Variants in COL9A2 observed in about 807,000 individuals in gnomAD.
The protein encoded by COL9A2 is collagen type IX alpha 2 chain.
In COL9A2, 66 loss-of-function variants were observed where a neutral mutation model predicts 111.6. The ratio of observed to expected loss-of-function variants is 0.59; its 90% CI spans 0.48 to 0.73. The LOEUF is 0.73. Ranked by LOEUF, COL9A2 falls within the 30% of genes least tolerant of loss-of-function variation. The probability of loss-of-function intolerance (pLI) is 0.00; values close to 1 mark genes in which losing one functional copy is unlikely to be tolerated. For synonymous variants in COL9A2, 353 were observed against 364.1 expected (o/e 0.97, Z 0.35); for missense variants, 881 against 954.1 (o/e 0.92, Z 1.01).
At position 40,302,765 on chromosome 1, in the gene COL9A2, C is replaced by T. The variant is rs1391784684; in HGVS notation, c.1648G>A (p.Gly550Ser). The change falls in exon 30 of 32, where the codon GGT (glycine) becomes AGT (serine). Residue 550 changes from glycine (G) to serine (S), a missense_variant. Physicochemically the swap from Gly to Ser is moderately conservative, Grantham distance 56. Coordinates refer to ENST00000372748, the MANE Select transcript of COL9A2 (RefSeq NM_001852.4). The surrounding 1 kb of genome is among the most constrained non-coding windows in gnomAD (Gnocchi z 4.5). ...GGAGGACCCATCATGCCCACCGCACCCAGGGCTTCCCGCTTGGCACTCACG... is the reference window on the plus strand; with the variant it reads ...GGAGGACCCATCATGCCCACCGCACTCAGGGCTTCCCGCTTGGCACTCACG... ...VAVSAKREAL[G>S]AVGMMGPPGP... 1.3e-6 allele frequency: 2 copies of T among 1,554,724 alleles called. No homozygotes were observed. The highest frequency in any genetic ancestry group is 1.7e-6 in the Non-Finnish European group (2 of 1,149,950).
chr1:40,310,403 T>C lies in COL9A2; in HGVS notation c.685-86A>G. ...CTGATGCCCACCTTCAATCTTACAGTGCCCTTTTGAGGTAGGCAGCAGAGT... is the reference window on the plus strand; with the variant it reads ...CTGATGCCCACCTTCAATCTTACAGCGCCCTTTTGAGGTAGGCAGCAGAGT... On this transcript the variant is annotated intron_variant, in intron 13 of 31. Transcript: ENST00000372748. This position sits in a 1 kb window ranked among gnomAD's most constrained non-coding sequence, Gnocchi z 4.9. 7.2e-7 allele frequency: 1 copy of C among 1,385,150 alleles called. No homozygotes were observed. The highest frequency in any genetic ancestry group is 1.0e-6 in the Non-Finnish European group (1 of 976,460). 85.8% of individuals were successfully genotyped at this position (1,385,150 alleles called of 1,614,324 possible). A position where few individuals can be genotyped will look rare whatever the true frequency, so the allele number is the denominator to read the frequency against.
chr1:40,309,834 C>T (rs545122679), intron 16 of COL9A2, 104 bp downstream of exon 16: 26 of 1,104,750 alleles, frequency 2.4e-5, no homozygotes, highest in African/African-American at 1.1e-4. Flanking sequence ...TTCACACTCA[C>T]GCACACACTC....
At position 40,303,091 on chromosome 1, in the gene COL9A2, G is replaced by A. The variant is rs368399762; in HGVS notation, c.1603+40C>T. The stretch of plus-strand genomic sequence containing the variant: ...CGGGAGGGGGTGAGGGGGCGGCGAT[G>A]CCCTCGAACTGACTGTGAGGAGGGG... On this transcript the variant is annotated intron_variant, in intron 29 of 31. Coordinates refer to ENST00000372748, the MANE Select transcript of COL9A2 (RefSeq NM_001852.4). This position sits in a 1 kb window ranked among gnomAD's most constrained non-coding sequence, Gnocchi z 4.6. 5.6e-6 allele frequency: 9 copies of A among 1,598,252 alleles called. No individual in the cohort carries two copies. The highest frequency in any genetic ancestry group is 7.7e-6 in the Non-Finnish European group (9 of 1,170,596).
At chr1:40,305,545 C>T (rs1644014928) in intron 21 of COL9A2, among the ~76,000 whole-genome samples, 170 bp downstream of exon 21, 1 of 152,196 alleles carries the variant, frequency 6.6e-6, no homozygotes, top group Non-Finnish European at 1.5e-5. Context: ...CCAGTCCCCA[C>T]CCTCCCTGCA....
At position 40,303,617 on chromosome 1, in the gene COL9A2, C is replaced by T; in HGVS notation, c.1461G>A (p.Gly487=). The T allele has an allele frequency of 1.3e-6, 2 of 1,599,560 alleles. No homozygotes were observed. Among genetic ancestry groups the T allele is most frequent in the Non-Finnish European group, 1.7e-6 (2 of 1,173,966 alleles). ...PGPSGDAGAP[G]VQGYPGPPGP... ...CGGGGGGACCAGGGTAGCCCTGAAC[C>T]CCTGGGGCGCCCGCATCCCCGCTGG... The change falls in exon 28 of 32, where the codon GGG becomes GGA. Residue 487 remains glycine (G), a synonymous_variant. Transcript: ENST00000372748. The surrounding 1 kb of genome is among the most constrained non-coding windows in gnomAD (Gnocchi z 4.6).
At chr1:40,304,259 C>A in intron 24 of COL9A2, 61 bp downstream of exon 24, 1 of 1,541,490 alleles carries the variant, frequency 6.5e-7, no homozygotes, top group Non-Finnish European at 8.8e-7. Context: ...TGAGTCCTGC[C>A]GACCCCACTC....
Position 40,311,403 on chromosome 1 carries a change from C to T in COL9A2, c.519+97G>A. ...TGGAACCCCTGCACTGCAGCCCCTC[C>T]CCATCTCTCCAGACACCCCCATCTC... On this transcript the variant is annotated intron_variant, in intron 10 of 31. Coordinates refer to ENST00000372748, the MANE Select transcript of COL9A2 (RefSeq NM_001852.4). This position sits in a 1 kb window ranked among gnomAD's most constrained non-coding sequence, Gnocchi z 5.1. 3 of 1,579,818 alleles carry T rather than the reference C, an allele frequency of 1.9e-6. No individual in the cohort carries two copies. Among genetic ancestry groups the T allele is most frequent in the Non-Finnish European group, 2.6e-6 (3 of 1,157,884 alleles).
intron 16 of COL9A2, among the ~76,000 whole-genome samples, chr1:40,308,831 G>A (rs917055643): frequency 6.6e-6 from 1 of 152,180 alleles, no homozygotes; most frequent in African/African-American, 2.4e-5. Context: ...GGAGGGGTCT[G>A]GGGGATAGAG....
Position 40,307,754 on chromosome 1 carries a change from G to T in COL9A2, c.903C>A (p.Gly301=), listed in dbSNP as rs1557798361. The T allele has an allele frequency of 1.2e-6, 2 of 1,614,028 alleles. No individual in the cohort carries two copies. Among genetic ancestry groups the T allele is most frequent in the Non-Finnish European group, 1.7e-6 (2 of 1,179,998 alleles). ...QGITGPKGAT[G]PPGINGKDGT... Reference sequence around the variant, plus strand: ...CATCCTTGCCGTTGATGCCTGGGGGGCCCTACCCAGGAGGAAAGTTCAAGG... The same window carrying T: ...CATCCTTGCCGTTGATGCCTGGGGGTCCCTACCCAGGAGGAAAGTTCAAGG... Residue 301 remains glycine, a splice_region_variant and synonymous_variant, in exon 18 of 32, where the codon GGC becomes GGA. Transcript: ENST00000372748. This position sits in a 1 kb window ranked among gnomAD's most constrained non-coding sequence, Gnocchi z 4.8.
Position 40,314,804 on chromosome 1 carries a change from AG to A in COL9A2, c.151-418del, listed in dbSNP as rs1644189481. On this transcript the variant is annotated intron_variant, in intron 2 of 31. Transcript: ENST00000372748. The surrounding 1 kb of genome is among the most constrained non-coding windows in gnomAD (Gnocchi z 4.1). ...GGGCAGCAGCTCTATTCCAGACTGC[AG>A]GGCAGGAGAACGGGAAGCTGAGCCA... Among the ~76,000 whole-genome samples, 1 of 152,146 alleles carries A rather than the reference AG, an allele frequency of 6.6e-6. No individual in the cohort carries two copies. The highest frequency in any genetic ancestry group is 2.1e-4 in the South Asian group (1 of 4,828).
At position 40,302,292 on chromosome 1, in the gene COL9A2, G is replaced by T. The variant is rs1270623662; in HGVS notation, c.1792+329C>A. ...GTCTGAGAGCCACGATGAGAAAGGG[G>T]AGTCTGGATTCACACCCGTGTGTGG... On this transcript the variant is annotated intron_variant, in intron 30 of 31. Transcript: ENST00000372748. This position sits in a 1 kb window ranked among gnomAD's most constrained non-coding sequence, Gnocchi z 4.5. Among the ~76,000 whole-genome samples the T allele has an allele frequency of 6.6e-6, 1 of 152,138 alleles. No individual in the cohort carries two copies. Among genetic ancestry groups the T allele is most frequent in the Non-Finnish European group, 1.5e-5 (1 of 68,022 alleles).
At chr1:40,304,682 C>T (rs1187768028) in intron 22 of COL9A2, 112 bp downstream of exon 22, 1 of 1,396,704 alleles carries the variant, frequency 7.2e-7, no homozygotes, top group African/African-American at 1.4e-5. Context: ...CAAAGCAAAC[C>T]TAGGCCCTGC....
In COL9A2 at chr1:40,302,489, T is replaced by G. The variant is rs1194390486; in HGVS notation, c.1792+132A>C. ...TTGCTACTAGGAAAGAGCCCAGGAGTGTCTCCTGGACCATGTGGCTGAGGA... is the reference window on the plus strand; with the variant it reads ...TTGCTACTAGGAAAGAGCCCAGGAGGGTCTCCTGGACCATGTGGCTGAGGA... On this transcript the variant is annotated intron_variant, in intron 30 of 31. Coordinates refer to ENST00000372748, the MANE Select transcript of COL9A2 (RefSeq NM_001852.4). This position sits in a 1 kb window ranked among gnomAD's most constrained non-coding sequence, Gnocchi z 4.5. The G allele has an allele frequency of 3.2e-6, 3 of 932,114 alleles. No individual in the cohort carries two copies. Among genetic ancestry groups the G allele is most frequent in the Non-Finnish European group, 4.9e-6 (3 of 607,102 alleles). 57.7% of individuals were successfully genotyped at this position (932,114 alleles called of 1,614,324 possible).
At position 40,307,624 on chromosome 1, in the gene COL9A2, ACCC is replaced by A. The variant is rs1644050743; in HGVS notation, c.954+76_954+78del. ...GAAAGGGCATGTCCATGACCTGAGG[ACCC>A]CAGGCTCTTGGTGTCTAGAATCCAG... is the stretch of plus-strand genomic sequence containing the variant. On this transcript the variant is annotated intron_variant, in intron 18 of 31. Coordinates refer to ENST00000372748, the MANE Select transcript of COL9A2 (RefSeq NM_001852.4). This position sits in a 1 kb window ranked among gnomAD's most constrained non-coding sequence, Gnocchi z 4.8. 3.1e-6 allele frequency: 5 copies of A among 1,589,898 alleles called. No homozygotes were observed. In the Admixed American group the frequency reaches 8.5e-5, roughly 27 times the overall value.
Position 40,305,751 on chromosome 1 carries a change from C to T in COL9A2, c.1071G>A (p.Gln357=), listed in dbSNP as rs1389176401. ...GGGGACCAGAGAATCCAGGAAGGCC[C>T]TGCGGGCCCGGCTCACCCTGCAGGA... is the stretch of plus-strand genomic sequence containing the variant. ...GPGDQGEPGP[Q]GLPGFSGPPG... is the part of the protein sequence containing the mutation. The change falls in exon 21 of 32, where the codon CAG becomes CAA. Residue 357 remains glutamine, a synonymous_variant. Transcript: ENST00000372748. 1 of 1,614,130 alleles carries T rather than the reference C, an allele frequency of 6.2e-7. No individual in the cohort carries two copies. Among genetic ancestry groups the T allele is most frequent in the Middle Eastern group, 1.6e-4 (1 of 6,062 alleles).
rs984386780 is a variant in COL9A2, at chr1:40,315,372, T to G, written c.150+218A>C. The G allele has an allele frequency of 1.9e-5, 27 of 1,385,426 alleles. 1 individual carries two copies. In the African/African-American group the frequency reaches 3.7e-4, roughly 19 times the overall value. 85.8% of individuals were successfully genotyped at this position (1,385,426 alleles called of 1,614,324 possible). On this transcript the variant is annotated intron_variant, in intron 2 of 31. Coordinates refer to ENST00000372748, the MANE Select transcript of COL9A2 (RefSeq NM_001852.4). ...GCCGGCGGACTGAACAGCAGCTCCTTGTCTGTCGGCGGCTATAACGGGCTC... is the reference window on the plus strand; with the variant it reads ...GCCGGCGGACTGAACAGCAGCTCCTGGTCTGTCGGCGGCTATAACGGGCTC...
In COL9A2 at chr1:40,310,401, A is replaced by G. The variant is rs1321272132; in HGVS notation, c.685-84T>C. ...GTCTGATGCCCACCTTCAATCTTAC[A>G]GTGCCCTTTTGAGGTAGGCAGCAGA... On this transcript the variant is annotated intron_variant, in intron 13 of 31. Coordinates refer to ENST00000372748, the MANE Select transcript of COL9A2 (RefSeq NM_001852.4). The surrounding 1 kb of genome is among the most constrained non-coding windows in gnomAD (Gnocchi z 4.9). 13 of 1,404,534 alleles carry G rather than the reference A, an allele frequency of 9.3e-6. No homozygotes were observed. Among genetic ancestry groups the G allele is most frequent in the Middle Eastern group, 3.5e-4 (2 of 5,664 alleles). 87.0% of individuals were successfully genotyped at this position (1,404,534 alleles called of 1,614,324 possible). A position where few individuals can be genotyped will look rare whatever the true frequency, so the allele number is the denominator to read the frequency against.
chr1:40,315,203 C>T, intron 2 of COL9A2: 2 of 1,042,922 alleles, frequency 1.9e-6, no homozygotes, highest in Non-Finnish European at 2.3e-6. Context: ...CTGGCCCAAG[C>T]TGGTCGGTGG....
chr1:40,301,894 A>T lies in COL9A2; in HGVS notation c.1793-5T>A. Reference sequence around the variant, plus strand: ...CACCCTTCTCTCCACGTTTTCCTGTAGACAAAAAAGGAAATCTTCATTTTT... The same window carrying T: ...CACCCTTCTCTCCACGTTTTCCTGTTGACAAAAAAGGAAATCTTCATTTTT... On this transcript the variant is annotated splice_polypyrimidine_tract_variant and splice_region_variant and intron_variant, in intron 30 of 31. Transcript: ENST00000372748. The T allele has an allele frequency of 6.2e-7, 1 of 1,613,272 alleles. No individual in the cohort carries two copies. Among genetic ancestry groups the T allele is most frequent in the Non-Finnish European group, 8.5e-7 (1 of 1,179,518 alleles).
Sources: gnomAD v4.1 joint callset for allele counts (sites outside exome capture counted in the v4.1 genomes callset) on GRCh38, gnomAD v4.1.1 for gene constraint, Gnocchi (gnomAD v3.1) non-coding constraint, MANE v1.5 for transcripts, NCBI Gene and HGNC (gene_info 2026-07-23, HGNC 2026-07-21) for gene names.